C8orf34: variants seen among roughly 807,000 people sequenced by gnomAD.
The protein encoded by C8orf34 is chromosome 8 open reading frame 34.
C8orf34 carries 65 observed loss-of-function variants against 68.3 expected under a neutral mutation model. The ratio of observed to expected loss-of-function variants is 0.95; its 90% CI spans 0.78 to 1.17. The LOEUF (loss-of-function observed/expected upper bound fraction) is 1.17, where lower values mean the gene tolerates loss of function less well. C8orf34 is among the 50% of genes most tolerant of loss of function. C8orf34 has a pLI of 0.00. For synonymous variants in C8orf34, 244 were observed against 241.2 expected (o/e 1.01, Z -0.11); for missense variants, 664 against 655.4 (o/e 1.01, Z -0.14).
At chr8:68,812,072 G>C (rs1249773394) in intron 12 of C8orf34, among the ~76,000 whole-genome samples, 1 of 151,978 alleles carries the variant, frequency 6.6e-6, no homozygotes, top group Non-Finnish European at 1.5e-5. Flanking sequence ...AAGAACATAA[G>C]GGAAAACAAC....
chr8:68,636,028 G>C (rs1818830789), intron 7 of C8orf34, among the ~76,000 whole-genome samples: 1 of 152,124 alleles, frequency 6.6e-6, no homozygotes, highest in Non-Finnish European at 1.5e-5. Context: ...GGGGGGAGTA[G>C]GAAAACTTTA....
At chr8:68,718,428 C>T (rs1336533868) in intron 9 of C8orf34, among the ~76,000 whole-genome samples, 1 of 152,102 alleles carries the variant, frequency 6.6e-6, no homozygotes, top group East Asian at 1.9e-4. Context: ...AAATGTGTTG[C>T]AGATTATACT....
chr8:68,716,814 A>G (rs558767836), intron 9 of C8orf34, among the ~76,000 whole-genome samples: 294 of 152,182 alleles, frequency 1.9e-3, no homozygotes, highest in Non-Finnish European at 3.4e-3. Context: ...AGCATGAAAT[A>G]TGAACAACCC....
intron 1 of C8orf34, among the ~76,000 whole-genome samples, chr8:68,379,163 G>A (rs925947900): frequency 3.3e-5 from 5 of 152,104 alleles, no homozygotes; most frequent in African/African-American, 1.2e-4. Flanking sequence ...ATTGGACATG[G>A]CATTTATTTG....
At chr8:68,539,892 T>C (rs745650166) in intron 7 of C8orf34, among the ~76,000 whole-genome samples, 1 of 151,962 alleles carries the variant, frequency 6.6e-6, no homozygotes, top group African/African-American at 2.4e-5. Context: ...ACTAAATACA[T>C]GTTAACGGAA....
chr8:68,800,173 G>C (rs1041896181), intron 12 of C8orf34, among the ~76,000 whole-genome samples: 1 of 152,196 alleles, frequency 6.6e-6, no homozygotes, highest in Non-Finnish European at 1.5e-5. Context: ...ACTCTAATGA[G>C]AGCATTTATA....
chr8:68,614,502 A>T (rs1563563046), intron 7 of C8orf34, among the ~76,000 whole-genome samples: 1 of 152,182 alleles, frequency 6.6e-6, no homozygotes, highest in African/African-American at 2.4e-5. Context: ...TCAGCTTTCT[A>T]CATACGGCTA....
intron 3 of C8orf34, among the ~76,000 whole-genome samples, chr8:68,468,262 G>A (rs1459529561): frequency 1.3e-5 from 2 of 151,930 alleles, no homozygotes; most frequent in African/African-American, 2.4e-5. Flanking sequence ...ATTTTAATGG[G>A]AATTTGAGGA....
At chr8:68,438,805 T>G (rs1267788620) in intron 1 of C8orf34, 1 of 152,144 alleles carries the variant, frequency 6.6e-6, no homozygotes, top group Non-Finnish European at 1.5e-5. Context: ...ATATTACCCT[T>G]GGGCAGATTT....
chr8:68,733,047 G>A (rs971369557), intron 10 of C8orf34, among the ~76,000 whole-genome samples: 17 of 152,158 alleles, frequency 1.1e-4, no homozygotes, highest in African/African-American at 3.9e-4. Context: ...CTGGGCAACA[G>A]AGTGAGACTC....
chr8:68,697,438 T>C (rs1820867278), intron 8 of C8orf34, among the ~76,000 whole-genome samples: 2 of 152,108 alleles, frequency 1.3e-5, no homozygotes, highest in South Asian at 4.1e-4. Context: ...CTATTGAATT[T>C]TTTTCCCCTC....
rs1486673940 is a variant in C8orf34, at chr8:68,401,080, G to C, written c.328-38419G>C. On this transcript the variant is annotated intron_variant, in intron 1 of 13. Coordinates refer to ENST00000518698, the MANE Select transcript of C8orf34 (RefSeq NM_052958.4). ...TCAGTGTTTTGCAGTTTTCCTTATA[G>C]AGATCTTTCACCTCCTTGGTTAAAC... is the stretch of plus-strand genomic sequence containing the variant. 2.0e-5 allele frequency among the ~76,000 whole-genome samples: 3 copies of C among 148,730 alleles called. No homozygotes were observed. The East Asian group carries it at 5.9e-4, about 29-fold the overall frequency.
chr8:68,528,113 A>C (rs1456925662), intron 6 of C8orf34, among the ~76,000 whole-genome samples: 1 of 151,742 alleles, frequency 6.6e-6, no homozygotes, highest in African/African-American at 2.4e-5. Context: ...GGCTCCTGTA[A>C]CTCTCCCCAG....
intron 8 of C8orf34, among the ~76,000 whole-genome samples, chr8:68,697,236 G>T (rs1820861668): frequency 6.6e-6 from 1 of 151,744 alleles, no homozygotes; most frequent in Non-Finnish European, 1.5e-5. Flanking sequence ...CTTATAATTT[G>T]TAAGCTATAT....
rs144831477 is a variant in C8orf34, at chr8:68,458,867, G to A, written c.608-9825G>A. Among the ~76,000 whole-genome samples, 347 of 152,210 alleles carry A rather than the reference G, an allele frequency of 2.3e-3. 1 individual carries two copies. The highest frequency in any genetic ancestry group is 7.1e-3 in the African/African-American group (296 of 41,528). On this transcript the variant is annotated intron_variant, in intron 3 of 13. Coordinates refer to ENST00000518698, the MANE Select transcript of C8orf34 (RefSeq NM_052958.4). ...CAAGAAGCTCAGATGAGGCAGCTGC[G>A]TTCATTTTTTTATTTTTAATTTCTA...
intron 7 of C8orf34, among the ~76,000 whole-genome samples, chr8:68,603,187 G>C (rs1817749143): frequency 1.3e-5 from 2 of 152,084 alleles, no homozygotes; most frequent in Admixed American, 6.6e-5. Flanking sequence ...GAGGAAGGCA[G>C]CTACTCCCCC....
intron 10 of C8orf34, among the ~76,000 whole-genome samples, chr8:68,729,316 A>G (rs1821917197): frequency 6.6e-6 from 1 of 152,192 alleles, no homozygotes; most frequent in African/African-American, 2.4e-5. Context: ...TAAATCCTGG[A>G]TGCTTTTGGG....
chr8:68,613,268 A>T (rs188785300), intron 7 of C8orf34, among the ~76,000 whole-genome samples: 47 of 152,096 alleles, frequency 3.1e-4, no homozygotes, highest in African/African-American at 1.1e-3. Context: ...CTTTTATAAT[A>T]TCTTTTATTT....
At chr8:68,480,976 C>T (rs575753610) in intron 4 of C8orf34, among the ~76,000 whole-genome samples, 89 of 152,236 alleles carry the variant, frequency 5.8e-4, no homozygotes, top group South Asian at 3.9e-3. Flanking sequence ...AGCCAGGAAC[C>T]TAATGTTAAT....
Sources: allele counts gnomAD v4.1 joint callset (sites outside exome capture counted in the v4.1 genomes callset), GRCh38; gene constraint gnomAD v4.1.1; transcripts MANE v1.5; gene names NCBI Gene and HGNC (gene_info 2026-07-23, HGNC 2026-07-21).